The following SGPP2 variants were observed in gnomAD, a reference collection of about 807,000 sequenced individuals.
SGPP2 encodes sphingosine 1-phosphate phosphohydrolase 2.
In SGPP2, 30 loss-of-function variants were observed where a neutral mutation model predicts 33.9. The ratio of observed to expected loss-of-function variants is 0.89; its 90% CI spans 0.66 to 1.20. The LOEUF is 1.20. SGPP2 is among the 50% of genes most tolerant of loss of function. The probability of loss-of-function intolerance (pLI) is 0.00; values close to 1 mark genes in which losing one functional copy is unlikely to be tolerated. For synonymous variants in SGPP2, 233 were observed against 225.0 expected (o/e 1.04, Z -0.32); for missense variants, 458 against 532.1 (o/e 0.86, Z 1.37).
chr2:222,459,104 TAA>T (rs79615224), intron 1 of SGPP2, among the ~76,000 whole-genome samples: 114,413 of 147,892 alleles, frequency 0.77, 44,420 homozygotes, highest in Middle Eastern at 0.9. Flanking sequence ...GCTGCTTGTC[TAA>T]AAAAGACACA....
chr2:222,510,192 A>G (rs866463741), intron 2 of SGPP2, among the ~76,000 whole-genome samples: 25 of 152,378 alleles, frequency 1.6e-4, no homozygotes, highest in Admixed American at 3.9e-4. Context: ...ACATTTACAT[A>G]CAAGTTCCAG....
At chr2:222,435,028 G>GTATATATATGTATATATATACACA (rs1697216601) in intron 1 of SGPP2, among the ~76,000 whole-genome samples, 1 of 140,544 alleles carries the variant, frequency 7.1e-6, no homozygotes, top group African/African-American at 2.7e-5. Context: ...GTATATGTGT[G>GTATATATATGTATATATATACACA]TATATATATG....
At chr2:222,438,415 G>A (rs555592719) in intron 1 of SGPP2, among the ~76,000 whole-genome samples, 28 of 152,326 alleles carry the variant, frequency 1.8e-4, no homozygotes, top group African/African-American at 6.0e-4. Context: ...AGTGAAAAGC[G>A]ATCAAGGTCT....
intron 1 of SGPP2, among the ~76,000 whole-genome samples, chr2:222,456,882 T>A (rs1351313550): frequency 6.6e-6 from 1 of 152,196 alleles, no homozygotes; most frequent in East Asian, 1.9e-4. Flanking sequence ...GTGGGTTGCA[T>A]GTGACAATAG....
At position 222,524,597 on chromosome 2, in the gene SGPP2, C is replaced by T. The variant is rs757386257; in HGVS notation, c.559-347C>T. ...CTTGGTCAAATTGTTTGTTTCTTAT[C>T]GTTCTAATTTAAGAATAGGTAGAAA... On this transcript the variant is annotated intron_variant, in intron 3 of 4. Coordinates refer to ENST00000321276, the MANE Select transcript of SGPP2 (RefSeq NM_152386.4). Among the ~76,000 whole-genome samples, 38 of 152,148 alleles carry T rather than the reference C, an allele frequency of 2.5e-4. 1 individual carries two copies. The highest frequency in any genetic ancestry group is 1.3e-4 in the Non-Finnish European group (9 of 68,026).
At chr2:222,520,683 G>A (rs1470421785) in intron 2 of SGPP2, among the ~76,000 whole-genome samples, 1 of 148,102 alleles carries the variant, frequency 6.8e-6, no homozygotes, top group Non-Finnish European at 1.5e-5. Flanking sequence ...TGTGCCGGGT[G>A]CAGTGTGCAT....
At position 222,558,967 on chromosome 2, in the gene SGPP2, A is replaced by G. The variant is rs772736082; in HGVS notation, c.*69A>G. On this transcript the variant is annotated 3_prime_UTR_variant, in exon 5 of 5. Transcript: ENST00000321276. ...GACATAGGAAAGTTATTGGTAGGCA[A>G]ATCTTGACAACTTATTTTTCTTTAA... The G allele has an allele frequency of 8.0e-5, 118 of 1,472,656 alleles. No homozygotes were observed. The highest frequency in any genetic ancestry group is 1.0e-4 in the Non-Finnish European group (111 of 1,084,400). 91.2% of individuals were successfully genotyped at this position (1,472,656 alleles called of 1,614,324 possible).
intron 4 of SGPP2, among the ~76,000 whole-genome samples, chr2:222,551,098 C>A (rs1438816279): frequency 6.6e-6 from 1 of 152,186 alleles, no homozygotes; most frequent in Non-Finnish European, 1.5e-5. Flanking sequence ...CCTTATCATG[C>A]CTTTTGCACC....
At chr2:222,478,248 T>G in intron 2 of SGPP2, among the ~76,000 whole-genome samples, 1 of 146,006 alleles carries the variant, frequency 6.8e-6, no homozygotes, top group South Asian at 2.3e-4. Flanking sequence ...TTTGTGCATC[T>G]TCGTGTATGT....
intron 2 of SGPP2, chr2:222,498,380 T>C (rs563579829): frequency 6.6e-6 from 1 of 152,178 alleles, no homozygotes; most frequent in African/African-American, 2.4e-5. Flanking sequence ...TGTCAATTCA[T>C]GGAGCATTCC....
intron 1 of SGPP2, among the ~76,000 whole-genome samples, chr2:222,427,118 C>T (rs78874801): frequency 5.7e-4 from 87 of 152,238 alleles, no homozygotes; most frequent in African/African-American, 1.9e-3. Flanking sequence ...GATTATTCCC[C>T]GCCCCTCCAG....
At chr2:222,534,511 G>T (rs74502450) in intron 4 of SGPP2, among the ~76,000 whole-genome samples, 2 of 152,060 alleles carry the variant, frequency 1.3e-5, no homozygotes, top group African/African-American at 2.4e-5. Context: ...ATGTTGAAAA[G>T]GTTTCTCAAA....
intron 1 of SGPP2, among the ~76,000 whole-genome samples, chr2:222,430,774 T>C (rs1056673858): frequency 6.6e-6 from 1 of 152,234 alleles, no homozygotes; most frequent in Admixed American, 6.5e-5. Flanking sequence ...TGGTAAGTCA[T>C]GTTGACATCA....
intron 1 of SGPP2, among the ~76,000 whole-genome samples, chr2:222,452,139 GCTT>G (rs1489190149): frequency 3.3e-5 from 5 of 151,986 alleles, no homozygotes; most frequent in African/African-American, 9.7e-5. Flanking sequence ...GCCAGAGACA[GCTT>G]CTATCATGTT....
At chr2:222,524,471 C>T (rs1009674775) in intron 3 of SGPP2, among the ~76,000 whole-genome samples, 4 of 152,164 alleles carry the variant, frequency 2.6e-5, no homozygotes, top group Admixed American at 1.3e-4. Flanking sequence ...GCAAATATGC[C>T]GATTCTGACT....
At chr2:222,555,260 G>A (rs546992524) in intron 4 of SGPP2, among the ~76,000 whole-genome samples, 1 of 152,202 alleles carries the variant, frequency 6.6e-6, no homozygotes, top group Non-Finnish European at 1.5e-5. Context: ...CATTGGGGTT[G>A]TTTCCAGTTT....
chr2:222,499,161 G>C (rs960174835), intron 2 of SGPP2, among the ~76,000 whole-genome samples: 1 of 152,226 alleles, frequency 6.6e-6, no homozygotes, highest in Non-Finnish European at 1.5e-5. Flanking sequence ...CCTTACAGTG[G>C]AAAGTGGACA....
intron 2 of SGPP2, among the ~76,000 whole-genome samples, chr2:222,481,426 T>C (rs561692311): frequency 6.6e-6 from 1 of 152,328 alleles, no homozygotes; most frequent in East Asian, 1.9e-4. Context: ...CCACCAGTTG[T>C]TAACGTAGAA....
chr2:222,464,641 C>T (rs1697716295), intron 1 of SGPP2, among the ~76,000 whole-genome samples: 1 of 152,156 alleles, frequency 6.6e-6, no homozygotes, highest in Non-Finnish European at 1.5e-5. Context: ...TGCCACCATA[C>T]CTGGCTAATA....
Sources: allele counts gnomAD v4.1 joint callset (sites outside exome capture counted in the v4.1 genomes callset), GRCh38; gene constraint gnomAD v4.1.1; transcripts MANE v1.5; gene names NCBI Gene and HGNC (gene_info 2026-07-23, HGNC 2026-07-21).